The following ZNF804B variants were observed in gnomAD, a reference collection of about 807,000 sequenced individuals.
The protein encoded by ZNF804B is zinc finger protein 804B.
ZNF804B carries 80 observed loss-of-function variants against 101.4 expected under a neutral mutation model. The observed-to-expected ratio is 0.79, with a 90% CI of 0.66 to 0.95. The LOEUF (loss-of-function observed/expected upper bound fraction) is 0.95, where lower values mean the gene tolerates loss of function less well. Among genes scored for constraint, ZNF804B ranks in the 40% least tolerant of loss-of-function variants. The pLI is 0.00. For synonymous variants in ZNF804B, 622 were observed against 558.8 expected, an observed-to-expected ratio of 1.11 and a Z score of -1.59; for missense variants, 1,673 against 1,561.9, an observed-to-expected ratio of 1.07 and a Z score of -1.20.
chr7:89,297,862 T>A (rs567655523), intron 2 of ZNF804B, among the ~76,000 whole-genome samples: 2,844 of 151,838 alleles, frequency 0.019, 76 homozygotes, highest in African/African-American at 0.065. Flanking sequence ...GTTGGGAAAT[T>A]TAGATAGCAC....
At chr7:89,099,066 C>A (rs962261803) in intron 1 of ZNF804B, among the ~76,000 whole-genome samples, 1 of 146,484 alleles carries the variant, frequency 6.8e-6, no homozygotes, top group South Asian at 2.1e-4. Flanking sequence ...TATATATGTA[C>A]CTATTTGAAT....
At position 88,771,703 on chromosome 7, in the gene ZNF804B, A is replaced by G. The variant is rs537113622; in HGVS notation, c.108+11619A>G. ...GGATTTATGCTAATAAAACATATAT[A>G]TTATATGAAGAGTGACATCTGTGAA... On this transcript the variant is annotated intron_variant, in intron 1 of 3. Transcript: ENST00000333190. Among the ~76,000 whole-genome samples, 5 of 152,266 alleles carry G rather than the reference A, an allele frequency of 3.3e-5. No individual in the cohort carries two copies. In the South Asian group the frequency reaches 1.0e-3, roughly 32 times the overall value.
At chr7:89,133,645 G>A (rs1790584915) in intron 1 of ZNF804B, among the ~76,000 whole-genome samples, 1 of 152,060 alleles carries the variant, frequency 6.6e-6, no homozygotes, top group Non-Finnish European at 1.5e-5. Flanking sequence ...TGTCCTGGAA[G>A]ACAGTGATTG....
Position 89,333,684 on chromosome 7 carries a change from A to C in ZNF804B, c.702A>C (p.Ser234=). ...AAGTGCACCTAAAATTAGAATCTTC[A>C]GCATCAGTTTTCAGTGAGAACACAG... ...SKKVHLKLES[S]ASVFSENTEE... The change falls in exon 4 of 4, where the codon TCA becomes TCC. Residue 234 remains serine, a synonymous_variant. Coordinates refer to ENST00000333190, the MANE Select transcript of ZNF804B (RefSeq NM_181646.5). 6.2e-7 allele frequency: 1 copy of C among 1,613,550 alleles called. No homozygotes were observed. The highest frequency in any genetic ancestry group is 8.5e-7 in the Non-Finnish European group (1 of 1,179,700).
chr7:88,799,817 G>C lies in ZNF804B; in HGVS notation c.108+39733G>C, dbSNP rs1790552001. ...ATAAATATCATGCAAATGATGTTTA[G>C]TGCTTTAGAAACACCAATTTAGAAA... On this transcript the variant is annotated intron_variant, in intron 1 of 3. Coordinates refer to ENST00000333190, the MANE Select transcript of ZNF804B (RefSeq NM_181646.5). 1.3e-5 allele frequency among the ~76,000 whole-genome samples: 2 copies of C among 152,034 alleles called. 1 individual carries two copies. Among genetic ancestry groups the C allele is most frequent in the South Asian group, 4.1e-4 (2 of 4,820 alleles).
intron 1 of ZNF804B, among the ~76,000 whole-genome samples, chr7:88,883,535 A>G (rs909647899): frequency 1.3e-5 from 2 of 152,116 alleles, no homozygotes; most frequent in African/African-American, 4.8e-5. Flanking sequence ...GCCTAGCTTA[A>G]GTGGAGGTGA....
chr7:88,944,445 A>G (rs1280461356), intron 1 of ZNF804B, among the ~76,000 whole-genome samples: 1 of 151,744 alleles, frequency 6.6e-6, no homozygotes. Flanking sequence ...TTAAAATTTT[A>G]TAATTATTGA....
At chr7:88,828,928 C>A (rs1213260149) in intron 1 of ZNF804B, among the ~76,000 whole-genome samples, 2 of 151,996 alleles carry the variant, frequency 1.3e-5, no homozygotes, top group Non-Finnish European at 2.9e-5. Context: ...TGTAGGGTGC[C>A]TTAACTCTGT....
At chr7:89,290,669 A>C (rs1790275398) in intron 2 of ZNF804B, among the ~76,000 whole-genome samples, 1 of 152,174 alleles carries the variant, frequency 6.6e-6, no homozygotes, top group Non-Finnish European at 1.5e-5. Context: ...AAAAGGGGGA[A>C]GGACTGTGTC....
chr7:88,983,824 G>A (rs1339114620), intron 1 of ZNF804B, among the ~76,000 whole-genome samples: 1 of 151,910 alleles, frequency 6.6e-6, no homozygotes, highest in Non-Finnish European at 1.5e-5. Flanking sequence ...ATTTGGCTCA[G>A]GGGTCCCTGA....
intron 1 of ZNF804B, among the ~76,000 whole-genome samples, chr7:89,154,261 G>C (rs573911465): frequency 4.6e-5 from 7 of 152,226 alleles, no homozygotes; most frequent in African/African-American, 1.7e-4. Context: ...ATAGAAAAGG[G>C]AACACTTATA....
chr7:88,827,406 A>G (rs1055100461), intron 1 of ZNF804B, among the ~76,000 whole-genome samples: 1 of 151,308 alleles, frequency 6.6e-6, no homozygotes, highest in Non-Finnish European at 1.5e-5. Context: ...GCAACTATAT[A>G]TGTGTCTTTG....
chr7:88,784,262 T>C (rs1790267939), intron 1 of ZNF804B, among the ~76,000 whole-genome samples: 2 of 152,178 alleles, frequency 1.3e-5, no homozygotes, highest in Non-Finnish European at 2.9e-5. Context: ...ACCCAAGGCT[T>C]GAGCTGTAAC....
At chr7:89,204,512 T>G (rs1788688963) in intron 1 of ZNF804B, among the ~76,000 whole-genome samples, 1 of 152,304 alleles carries the variant, frequency 6.6e-6, no homozygotes, top group East Asian at 1.9e-4. Flanking sequence ...GAATTTCCAG[T>G]GGACCTAATG....
At chr7:88,845,790 A>G (rs1469837683) in intron 1 of ZNF804B, among the ~76,000 whole-genome samples, 1 of 152,186 alleles carries the variant, frequency 6.6e-6, no homozygotes, top group Non-Finnish European at 1.5e-5. Context: ...GATTGCTGGT[A>G]TAATTGTTTT....
At chr7:88,761,270 T>C (rs905015778) in intron 1 of ZNF804B, among the ~76,000 whole-genome samples, 1 of 152,216 alleles carries the variant, frequency 6.6e-6, no homozygotes, top group Non-Finnish European at 1.5e-5. Flanking sequence ...CATGCTTTTA[T>C]GTACTATAAA....
chr7:89,146,929 C>G (rs1278026279), intron 1 of ZNF804B, among the ~76,000 whole-genome samples: 2 of 151,388 alleles, frequency 1.3e-5, no homozygotes, highest in Non-Finnish European at 1.5e-5. Flanking sequence ...CTTGGGAGGT[C>G]AAAATGGGAA....
intron 1 of ZNF804B, among the ~76,000 whole-genome samples, chr7:89,007,381 C>T (rs1033024997): frequency 5.0e-5 from 7 of 140,856 alleles, no homozygotes; most frequent in Non-Finnish European, 7.6e-5. Context: ...TTGGGTTTTC[C>T]GGGTTCAGGA....
rs575258790 is a variant in ZNF804B at position 89,325,453 on chromosome 7, T to A, written c.250-1891T>A. Among the ~76,000 whole-genome samples the A allele has an allele frequency of 3.2e-3, 485 of 152,082 alleles. 2 individuals carry two copies. The highest frequency in any genetic ancestry group is 0.011 in the African/African-American group (459 of 41,526). On this transcript the variant is annotated intron_variant, in intron 2 of 3. Transcript: ENST00000333190. ...TGTCTTCCTTGAAGGGAAAAAAAAA[T>A]TGATTTGTTGATTTGTACATTTTTA...
Sources: allele counts gnomAD v4.1 joint callset (sites outside exome capture counted in the v4.1 genomes callset), GRCh38; gene constraint gnomAD v4.1.1; transcripts MANE v1.5; gene names NCBI Gene and HGNC (gene_info 2026-07-23, HGNC 2026-07-21).